The following RARB variants were observed in gnomAD, a reference collection of about 807,000 sequenced individuals.
RARB encodes retinoic acid receptor beta.
RARB carries 17 observed loss-of-function variants against 51.9 expected under a neutral mutation model. The ratio of observed to expected loss-of-function variants is 0.33; its 90% CI spans 0.22 to 0.49. The LOEUF is 0.49. Among genes scored for constraint, RARB ranks in the 20% least tolerant of loss-of-function variants. The probability of loss-of-function intolerance (pLI) is 0.99; values close to 1 mark genes in which losing one functional copy is unlikely to be tolerated. For missense variants in RARB, 369 were observed against 550.8 expected (o/e 0.67, Z 3.30); for synonymous variants, 215 against 195.4 (o/e 1.10, Z -0.84).
intron 1 of RARB, among the ~76,000 whole-genome samples, chr3:25,459,717 G>C (rs558384126): frequency 1.3e-4 from 20 of 152,188 alleles, no homozygotes; most frequent in Non-Finnish European, 2.2e-4. Context: ...CTTGCTAAAA[G>C]CTTGCCTGCA....
intron 2 of RARB, among the ~76,000 whole-genome samples, chr3:25,019,376 G>A (rs73036571): frequency 6.6e-6 from 1 of 152,108 alleles, no homozygotes; most frequent in South Asian, 2.1e-4. Context: ...ATAGACAAAG[G>A]GTAGCATGGA....
At chr3:25,519,996 C>A (rs1277114277) in intron 3 of RARB, among the ~76,000 whole-genome samples, 1 of 152,146 alleles carries the variant, frequency 6.6e-6, no homozygotes, top group African/African-American at 2.4e-5. Context: ...AATCAGGGGT[C>A]AGCCTATGAG....
At chr3:25,498,827 G>A (rs547477704) in intron 2 of RARB, among the ~76,000 whole-genome samples, 30 of 152,296 alleles carry the variant, frequency 2.0e-4, no homozygotes, top group Middle Eastern at 6.8e-3. Context: ...GGAGGTTTCT[G>A]TAAACTGAGT....
At chr3:25,401,871 G>A (rs1707272744) in intron 5 of RARB, among the ~76,000 whole-genome samples, 1 of 152,104 alleles carries the variant, frequency 6.6e-6, no homozygotes, top group African/African-American at 2.4e-5. Flanking sequence ...CTGCCTCCCG[G>A]GTTCAAGTGA....
chr3:25,149,030 A>C (rs1162437406), intron 4 of RARB, among the ~76,000 whole-genome samples: 1 of 152,212 alleles, frequency 6.6e-6, no homozygotes, highest in Non-Finnish European at 1.5e-5. Flanking sequence ...CTAAGGAGTC[A>C]GACTGGAAAC....
At chr3:25,471,686 A>G (rs1162023389) in intron 2 of RARB, among the ~76,000 whole-genome samples, 3 of 151,968 alleles carry the variant, frequency 2.0e-5, no homozygotes, top group Non-Finnish European at 4.4e-5. Context: ...TAATGGTTAA[A>G]CGTTCAGGAA....
intron 4 of RARB, among the ~76,000 whole-genome samples, chr3:25,148,392 C>T (rs1700228531): frequency 6.6e-6 from 1 of 152,194 alleles, no homozygotes; most frequent in African/African-American, 2.4e-5. Context: ...AAATTACAAC[C>T]TTGATATGTT....
At chr3:25,174,041 G>A (rs1246528699) in intron 4 of RARB, 1 of 166,196 alleles carries the variant, frequency 6.0e-6, no homozygotes, top group Non-Finnish European at 1.3e-5. Flanking sequence ...ATTAGTATTA[G>A]AGACGTTTTG....
rs1038034576 is a variant in RARB at position 25,535,339 on chromosome 3, A to G, written c.448+34016A>G. 7.3e-5 allele frequency among the ~76,000 whole-genome samples: 11 copies of G among 150,584 alleles called. No individual in the cohort carries two copies. In the East Asian group the frequency reaches 2.0e-3, roughly 27 times the overall value. On this transcript the variant is annotated intron_variant, in intron 3 of 7. Coordinates refer to ENST00000330688, the MANE Select transcript of RARB (RefSeq NM_000965.5). Reference sequence around the variant, plus strand: ...GTTTAGGGACACAACCTAGCTTTATATCTTGGCTCTACCACCTGCTGGCCA... The same window carrying G: ...GTTTAGGGACACAACCTAGCTTTATGTCTTGGCTCTACCACCTGCTGGCCA...
rs199824769 is a variant in RARB, at chr3:25,073,831, C to CTTT, written c.-328+13665_-328+13667dup. Among the ~76,000 whole-genome samples the CTTT allele has an allele frequency of 4.4e-4, 64 of 146,556 alleles. 1 individual carries two copies. The highest frequency in any genetic ancestry group is 4.3e-3 in the South Asian group (20 of 4,614). On this transcript the variant is annotated intron_variant, in intron 3 of 11. Coordinates refer to the RARB transcript ENST00000383772. ...AAGTAGAATTGGGAAACAATAGTGA[C>CTTT]TTTTTTTTTTTTATCAACTATCTTG...
At chr3:25,484,469 A>G (rs1448799171) in intron 2 of RARB, among the ~76,000 whole-genome samples, 1 of 152,156 alleles carries the variant, frequency 6.6e-6, no homozygotes, top group Non-Finnish European at 1.5e-5. Flanking sequence ...AAATATACAT[A>G]TGTTTTAGCC....
At chr3:24,974,481 C>T (rs748639694) in intron 2 of RARB, among the ~76,000 whole-genome samples, 6 of 151,874 alleles carry the variant, frequency 4.0e-5, no homozygotes, top group Admixed American at 6.6e-5. Context: ...TTCTTGGTTC[C>T]GATGTCATGG....
At chr3:24,842,826 T>A (rs1448482555) in intron 1 of RARB, among the ~76,000 whole-genome samples, 1 of 152,226 alleles carries the variant, frequency 6.6e-6, no homozygotes, top group Non-Finnish European at 1.5e-5. Flanking sequence ...CATAATTCTT[T>A]AACCATGAAA....
chr3:25,308,716 G>A (rs971733169), intron 5 of RARB, among the ~76,000 whole-genome samples: 1 of 152,134 alleles, frequency 6.6e-6, no homozygotes, highest in African/African-American at 2.4e-5. Flanking sequence ...CCAAAGTGCT[G>A]GGATTACAGG....
chr3:25,266,554 C>T (rs532784302), intron 5 of RARB, among the ~76,000 whole-genome samples: 35 of 152,204 alleles, frequency 2.3e-4, no homozygotes, highest in Non-Finnish European at 4.3e-4. Flanking sequence ...ATTCCTTGAT[C>T]CTTTTTATCA....
chr3:24,861,821 T>A (rs1271356481), intron 2 of RARB, among the ~76,000 whole-genome samples: 2 of 151,658 alleles, frequency 1.3e-5, no homozygotes, highest in Non-Finnish European at 2.9e-5. Context: ...CAAGTGACAT[T>A]TTAGTGTTAC....
intron 2 of RARB, among the ~76,000 whole-genome samples, chr3:25,052,228 C>T (rs946414311): frequency 1.3e-5 from 2 of 152,158 alleles, no homozygotes; most frequent in African/African-American, 4.8e-5. Flanking sequence ...CCCTTATTAT[C>T]ACAATATGTG....
At chr3:25,110,771 T>A (rs901057317) in intron 3 of RARB, among the ~76,000 whole-genome samples, 14 of 152,196 alleles carry the variant, frequency 9.2e-5, no homozygotes, top group African/African-American at 3.4e-4. Flanking sequence ...AATCAAGTGT[T>A]AGTGGTAAGA....
At chr3:24,977,830 C>G (rs909691055) in intron 2 of RARB, among the ~76,000 whole-genome samples, 1 of 152,102 alleles carries the variant, frequency 6.6e-6, no homozygotes, top group African/African-American at 2.4e-5. Context: ...TTGTCTTGTG[C>G]CAGTTTTCAA....
Sources: allele counts gnomAD v4.1 joint callset (sites outside exome capture counted in the v4.1 genomes callset), GRCh38; gene constraint gnomAD v4.1.1; transcripts MANE v1.5; gene names NCBI Gene and HGNC (gene_info 2026-07-23, HGNC 2026-07-21).